Variants in CADM2 observed in about 807,000 individuals in gnomAD.
CADM2 encodes the protein immunoglobulin superfamily member 4D.
CADM2 carries 12 observed loss-of-function variants against 49.8 expected under a neutral mutation model. The ratio of observed to expected loss-of-function variants is 0.24; its 90% CI spans 0.15 to 0.39. The LOEUF is 0.39. Ranked by LOEUF, CADM2 falls within the 10% of genes least tolerant of loss-of-function variation. The pLI, the probability that CADM2 is intolerant of heterozygous loss-of-function variation, is 1.00. For missense variants in CADM2, 378 were observed against 492.3 expected (o/e 0.77, Z 2.20); for synonymous variants, 214 against 175.4 (o/e 1.22, Z -1.74).
At chr3:85,089,754 TC>T (rs1382300601) in intron 1 of CADM2, among the ~76,000 whole-genome samples, 1 of 152,052 alleles carries the variant, frequency 6.6e-6, no homozygotes, top group Non-Finnish European at 1.5e-5. Flanking sequence ...GAATTTTTAA[TC>T]CCCCCAAAAA....
chr3:85,883,319 T>C lies in CADM2; in HGVS notation c.267T>C (p.Val89=), dbSNP rs935952704. The change falls in exon 4 of 10, where the codon GTT becomes GTC. Residue 89 remains valine, a synonymous_variant. Coordinates refer to ENST00000383699, the MANE Select transcript of CADM2 (RefSeq NM_001167675.2). ...TAAGGGACAATAGGATCGAGCTGGT[T>C]CGCGCTTCCTGGCATGAATTGAGTA... ...KALRDNRIEL[V]RASWHELSIS... 8.1e-6 allele frequency: 13 copies of C among 1,613,732 alleles called. No homozygotes were observed. Among genetic ancestry groups the C allele is most frequent in the Non-Finnish European group, 1.1e-5 (13 of 1,179,796 alleles).
intron 1 of CADM2, among the ~76,000 whole-genome samples, chr3:85,305,113 G>C (rs2044183303): frequency 6.6e-6 from 1 of 151,156 alleles, no homozygotes; most frequent in African/African-American, 2.4e-5. Context: ...CCAGGTTTGT[G>C]GTAGTAAATA....
At chr3:85,403,554 A>G (rs1179523394) in intron 1 of CADM2, among the ~76,000 whole-genome samples, 1 of 152,134 alleles carries the variant, frequency 6.6e-6, no homozygotes, top group African/African-American at 2.4e-5. Context: ...TTATACAGAG[A>G]CATGCATGGT....
At chr3:85,446,597 G>GTTTTTTTTTTTT (rs1447208577) in intron 1 of CADM2, among the ~76,000 whole-genome samples, 2 of 107,610 alleles carry the variant, frequency 1.9e-5, no homozygotes, top group African/African-American at 2.7e-5. Context: ...AGTTTTTTTT[G>GTTTTTTTTTTTT]TTTTTTGTTT....
intron 1 of CADM2, among the ~76,000 whole-genome samples, chr3:85,379,051 T>A (rs1336279988): frequency 1.3e-5 from 2 of 152,014 alleles, no homozygotes; most frequent in African/African-American, 4.8e-5. Context: ...GATAATAAGA[T>A]GCAATAAGAT....
At chr3:85,234,754 G>A (rs992224166) in intron 1 of CADM2, among the ~76,000 whole-genome samples, 2 of 152,112 alleles carry the variant, frequency 1.3e-5, no homozygotes, top group Non-Finnish European at 2.9e-5. Context: ...TCTCTCCAGA[G>A]TAGTAGTACT....
At chr3:85,369,692 T>C (rs2033057581) in intron 1 of CADM2, among the ~76,000 whole-genome samples, 1 of 152,172 alleles carries the variant, frequency 6.6e-6, no homozygotes, top group Non-Finnish European at 1.5e-5. Flanking sequence ...AACTAAAAGT[T>C]TTTTGTTCTC....
intron 1 of CADM2, among the ~76,000 whole-genome samples, chr3:85,652,772 CTTTTTTTTTTTT>C (rs34756757): frequency 1.4e-4 from 7 of 50,788 alleles, no homozygotes; most frequent in East Asian, 5.9e-4. Flanking sequence ...TTTTTCTTTT[CTTTTTTTTTTTT>C]TTTTTTTTTT....
chr3:84,960,900 C>G (rs995247691), intron 1 of CADM2, among the ~76,000 whole-genome samples: 1 of 151,810 alleles, frequency 6.6e-6, no homozygotes, highest in African/African-American at 2.4e-5. Context: ...GGCTGTAAGG[C>G]GGAAGATTGT....
At chr3:85,169,832 TAATGATTTTC>T (rs1251233723) in intron 1 of CADM2, among the ~76,000 whole-genome samples, 1 of 152,094 alleles carries the variant, frequency 6.6e-6, no homozygotes, top group Non-Finnish European at 1.5e-5. Flanking sequence ...TAAAAACATA[TAATGATTTTC>T]AATGATTTTC....
At chr3:85,381,474 A>G (rs953896846) in intron 1 of CADM2, among the ~76,000 whole-genome samples, 8 of 147,792 alleles carry the variant, frequency 5.4e-5, no homozygotes, top group African/African-American at 1.7e-4. Context: ...TATATAAAGT[A>G]TATATATAAA....
At chr3:85,449,093 T>TAA (rs2037628350) in intron 1 of CADM2, among the ~76,000 whole-genome samples, 1 of 82,622 alleles carries the variant, frequency 1.2e-5, no homozygotes, top group Non-Finnish European at 2.9e-5. Context: ...AATTATATAA[T>TAA]TCATTATACC....
intron 1 of CADM2, among the ~76,000 whole-genome samples, chr3:85,488,765 A>G (rs2039539509): frequency 1.3e-5 from 2 of 152,086 alleles, no homozygotes; most frequent in South Asian, 4.2e-4. Context: ...TCTTGACCTC[A>G]TGATCTGCTC....
At chr3:85,502,547 T>C (rs1212986668) in intron 1 of CADM2, among the ~76,000 whole-genome samples, 3 of 152,064 alleles carry the variant, frequency 2.0e-5, no homozygotes, top group African/African-American at 7.2e-5. Flanking sequence ...TATCTGCAAC[T>C]ATCAGTTTGG....
At chr3:85,587,606 G>A (rs915868899) in intron 1 of CADM2, among the ~76,000 whole-genome samples, 6 of 151,944 alleles carry the variant, frequency 3.9e-5, no homozygotes, top group African/African-American at 1.4e-4. Context: ...CTTTAACCAT[G>A]TACCAAATGA....
intron 1 of CADM2, among the ~76,000 whole-genome samples, chr3:85,298,642 C>T (rs530629221): frequency 5.2e-4 from 79 of 152,148 alleles, no homozygotes; most frequent in African/African-American, 1.9e-3. Context: ...TAGGCCTTAG[C>T]TGAATTTGTG....
At chr3:85,898,952 TA>T in intron 5 of CADM2, among the ~76,000 whole-genome samples, 3 of 59,800 alleles carry the variant, frequency 5.0e-5, no homozygotes, top group African/African-American at 1.8e-4. Context: ...TATATATATA[TA>T]TATTTTTTTT....
At chr3:85,281,160 G>A (rs1201026745) in intron 1 of CADM2, among the ~76,000 whole-genome samples, 1 of 151,722 alleles carries the variant, frequency 6.6e-6, no homozygotes, top group East Asian at 1.9e-4. Flanking sequence ...AAATAGAAAT[G>A]TGGACACACA....
intron 1 of CADM2, among the ~76,000 whole-genome samples, chr3:85,439,650 AAC>A (rs2037104180): frequency 6.6e-6 from 1 of 152,066 alleles, no homozygotes; most frequent in Non-Finnish European, 1.5e-5. Context: ...TAACTCAATC[AAC>A]AGTTTCATCA....
Sources: gnomAD v4.1 joint callset for allele counts (sites outside exome capture counted in the v4.1 genomes callset) on GRCh38, gnomAD v4.1.1 for gene constraint, MANE v1.5 for transcripts, NCBI Gene and HGNC (gene_info 2026-07-23, HGNC 2026-07-21) for gene names.